CRPPA: variants seen among roughly 807,000 people sequenced by gnomAD.
The protein encoded by CRPPA is CDP-L-ribitol pyrophosphorylase A, also known as D-ribitol-5-phosphate cytidylyltransferase.
Under a neutral mutation model 52.0 loss-of-function variants are expected in CRPPA, and 43 were observed. The observed-to-expected ratio is 0.83, with a 90% CI of 0.65 to 1.07. The LOEUF is 1.07. CRPPA is among the 50% of genes least tolerant of loss of function. The probability of loss-of-function intolerance (pLI) is 0.00; values close to 1 mark genes in which losing one functional copy is unlikely to be tolerated. For synonymous variants in CRPPA, 250 were observed against 203.5 expected (o/e 1.23, Z -1.94); for missense variants, 629 against 551.7 (o/e 1.14, Z -1.40).
chr7:16,342,781 A>T (rs1785893931), intron 3 of CRPPA, among the ~76,000 whole-genome samples: 1 of 35,630 alleles, frequency 2.8e-5, no homozygotes, highest in African/African-American at 8.9e-5. Context: ...AAAAAAAAAA[A>T]AATATATATA....
At chr7:16,164,948 T>C (rs927817676) in intron 9 of CRPPA, among the ~76,000 whole-genome samples, 2 of 152,140 alleles carry the variant, frequency 1.3e-5, no homozygotes, top group Middle Eastern at 6.8e-3. Context: ...TGTCGACTCC[T>C]GCTGGGAGGT....
chr7:16,286,900 T>C (rs1254948109), intron 5 of CRPPA, among the ~76,000 whole-genome samples: 2 of 152,166 alleles, frequency 1.3e-5, no homozygotes, highest in South Asian at 2.1e-4. Context: ...GAAATCTATA[T>C]GTAATACAAC....
intron 1 of CRPPA, among the ~76,000 whole-genome samples, chr7:16,418,169 C>G (rs1158744869): frequency 6.6e-6 from 1 of 152,158 alleles, no homozygotes; most frequent in Non-Finnish European, 1.5e-5. Context: ...CCAAGCAGCA[C>G]CCACACACTG....
chr7:16,312,100 T>C (rs990883587), intron 3 of CRPPA, among the ~76,000 whole-genome samples: 1 of 152,046 alleles, frequency 6.6e-6, no homozygotes, highest in Non-Finnish European at 1.5e-5. Flanking sequence ...TGTTAGCTAT[T>C]CTAGGTCTTG....
chr7:16,262,230 A>G (rs1472368548), intron 6 of CRPPA: 1 of 152,178 alleles, frequency 6.6e-6, no homozygotes, highest in Non-Finnish European at 1.5e-5. Context: ...TGATACATGA[A>G]AAGTGTCCAC....
intron 9 of CRPPA, among the ~76,000 whole-genome samples, chr7:16,097,381 A>G (rs913924182): frequency 3.3e-5 from 5 of 152,104 alleles, no homozygotes; most frequent in Non-Finnish European, 7.4e-5. Context: ...TAATTTTCTA[A>G]ATTATCAGAC....
intron 3 of CRPPA, among the ~76,000 whole-genome samples, chr7:16,316,604 G>A (rs1300016901): frequency 6.6e-6 from 1 of 152,072 alleles, no homozygotes; most frequent in Non-Finnish European, 1.5e-5. Context: ...TTTCATGCCT[G>A]TAATCTCAGT....
chr7:16,381,067 T>G (rs1787073001), intron 2 of CRPPA, among the ~76,000 whole-genome samples: 1 of 151,706 alleles, frequency 6.6e-6, no homozygotes, highest in African/African-American at 2.4e-5. Flanking sequence ...TTTCTAGTTC[T>G]TTTAATTGTG....
chr7:16,155,560 T>C (rs1330207084), intron 9 of CRPPA, among the ~76,000 whole-genome samples: 1 of 152,264 alleles, frequency 6.6e-6, no homozygotes, highest in Non-Finnish European at 1.5e-5. Flanking sequence ...AAGACCTTTA[T>C]GATGATCTGC....
chr7:16,314,286 T>C (rs751753195), intron 3 of CRPPA, among the ~76,000 whole-genome samples: 50 of 152,036 alleles, frequency 3.3e-4, no homozygotes, highest in Non-Finnish European at 5.0e-4. Flanking sequence ...TTTTGCAATA[T>C]ACTTTTACAA....
chr7:16,370,193 A>G (rs147677565), intron 3 of CRPPA, among the ~76,000 whole-genome samples: 2 of 152,326 alleles, frequency 1.3e-5, no homozygotes, highest in East Asian at 3.9e-4. Flanking sequence ...CTGTGATATA[A>G]TCTCAAGTGG....
At chr7:16,105,569 TC>T (rs1203727271) in intron 9 of CRPPA, among the ~76,000 whole-genome samples, 1 of 151,976 alleles carries the variant, frequency 6.6e-6, no homozygotes, top group Non-Finnish European at 1.5e-5. Flanking sequence ...GAGGCAGAGG[TC>T]CTAGTGATCA....
rs1562608533 is a variant in CRPPA, at chr7:16,286,068, T to TTTAAAAAAAA, written c.836-7843_836-7842insTTTTTTTTAA. On this transcript the variant is annotated intron_variant, in intron 5 of 9. Coordinates refer to ENST00000407010, the MANE Select transcript of CRPPA (RefSeq NM_001101426.4). ...AAATATATATATATATATATATATATATATATATATATAATATTTAAAAAA... is the reference window on the plus strand; with the variant it reads ...AAATATATATATATATATATATATATTTAAAAAAAAATATATATATATAATATTTAAAAAA... Among the ~76,000 whole-genome samples the TTTAAAAAAAA allele has an allele frequency of 7.1e-4, 17 of 24,060 alleles. 1 individual carries two copies. Among genetic ancestry groups the TTTAAAAAAAA allele is most frequent in the African/African-American group, 2.6e-3 (10 of 3,892 alleles). 15.8% of individuals were successfully genotyped at this position (24,060 alleles called of 152,430 possible).
At chr7:16,225,732 T>A (rs1329060195) in intron 8 of CRPPA, among the ~76,000 whole-genome samples, 1 of 151,918 alleles carries the variant, frequency 6.6e-6, no homozygotes. Context: ...TACTTGTCAT[T>A]TTTTTAAAAA....
chr7:16,299,732 T>G (rs1358763147), intron 5 of CRPPA, among the ~76,000 whole-genome samples: 1 of 152,174 alleles, frequency 6.6e-6, no homozygotes, highest in Non-Finnish European at 1.5e-5. Flanking sequence ...TTTTAAATAC[T>G]TAAAAAATAA....
intron 2 of CRPPA, among the ~76,000 whole-genome samples, chr7:16,385,106 G>T (rs535477639): frequency 6.6e-6 from 1 of 151,798 alleles, no homozygotes; most frequent in Non-Finnish European, 1.5e-5. Context: ...ATAAATAGAC[G>T]TAATACAATC....
intron 1 of CRPPA, among the ~76,000 whole-genome samples, chr7:16,407,824 C>T (rs762361919): frequency 1.8e-4 from 27 of 151,830 alleles, no homozygotes; most frequent in Non-Finnish European, 3.7e-4. Context: ...TTATCAGCAT[C>T]GGCCGGGCAT....
At chr7:16,293,264 G>A (rs1215443425) in intron 5 of CRPPA, among the ~76,000 whole-genome samples, 1 of 151,850 alleles carries the variant, frequency 6.6e-6, no homozygotes, top group Non-Finnish European at 1.5e-5. Context: ...CTGACCTCTT[G>A]AGTCAAAGTT....
intron 2 of CRPPA, among the ~76,000 whole-genome samples, chr7:16,389,928 A>T (rs13245556): frequency 0.36 from 11,041 of 30,488 alleles, 3,231 homozygotes; most frequent in Non-Finnish European, 0.43. Context: ...AAAAAAAAAA[A>T]ATATATATAT....
Sources: allele counts gnomAD v4.1 joint callset (sites outside exome capture counted in the v4.1 genomes callset), GRCh38; gene constraint gnomAD v4.1.1; transcripts MANE v1.5; gene names NCBI Gene and HGNC (gene_info 2026-07-23, HGNC 2026-07-21).